NLRP1: variants seen among roughly 807,000 people sequenced by gnomAD.
The protein encoded by NLRP1 is NACHT, LRR and PYD domains-containing protein 1.
A neutral mutation model predicts 136.7 loss-of-function variants in NLRP1; 94 were observed. That is an observed-to-expected ratio of 0.69 (90% CI 0.58 to 0.82). The LOEUF (loss-of-function observed/expected upper bound fraction) is 0.82. Ranked by LOEUF, NLRP1 falls within the 40% of genes least tolerant of loss-of-function variation. The pLI is 0.00. For synonymous variants in NLRP1, 690 were observed against 725.1 expected (o/e 0.95, Z 0.78); for missense variants, 1,575 against 1,802.7 (o/e 0.87, Z 2.29).
At chr17:5,546,853 G>A (rs934703320) in intron 5 of NLRP1, among the ~76,000 whole-genome samples, 3 of 152,194 alleles carry the variant, frequency 2.0e-5, no homozygotes, top group African/African-American at 7.2e-5. Context: ...CGTGTGTAAG[G>A]CTGTACACTC....
chr17:5,535,543 C>T (rs1263085109), intron 8 of NLRP1, among the ~76,000 whole-genome samples: 1 of 152,200 alleles, frequency 6.6e-6, no homozygotes, highest in Non-Finnish European at 1.5e-5. Flanking sequence ...TGCACTCACA[C>T]TGACCCCAGG....
chr17:5,521,426 C>T lies in NLRP1; in HGVS notation c.3783+98G>A, dbSNP rs371579423. 1,960 of 1,301,804 alleles carry T rather than the reference C, an allele frequency of 1.5e-3. 42 individuals carry two copies. In the South Asian group the frequency reaches 0.025, roughly 17 times the overall value. The allele number at this position is 1,301,804 out of a possible 1,614,324, so 80.6% of individuals were successfully genotyped here. A position where few individuals can be genotyped will look rare whatever the true frequency, so the allele number is the denominator to read the frequency against. On this transcript the variant is annotated intron_variant, in intron 13 of 16. Transcript: ENST00000572272. ...GGTTCTCCTGTACAAGAGGCCCATC[C>T]TTGGTCCCAGTTGAAGACCCTCTAG...
At chr17:5,531,471 G>C (rs1173324884) in intron 11 of NLRP1, among the ~76,000 whole-genome samples, 1 of 152,046 alleles carries the variant, frequency 6.6e-6, no homozygotes, top group African/African-American at 2.4e-5. Flanking sequence ...CTCCTGCCTC[G>C]GTCTCTTAAA....
chr17:5,516,749 G>C (rs1235399785), intron 15 of NLRP1, among the ~76,000 whole-genome samples: 1 of 152,198 alleles, frequency 6.6e-6, no homozygotes, highest in Non-Finnish European at 1.5e-5. Context: ...TTTGAATCCA[G>C]GTCTGAAGCT....
chr17:5,539,043 ATAT>A (rs932266364), intron 7 of NLRP1, among the ~76,000 whole-genome samples: 5 of 151,992 alleles, frequency 3.3e-5, no homozygotes, highest in Admixed American at 3.3e-4. Flanking sequence ...GCTAGTTTTT[ATAT>A]TTTTAGTAGA....
At chr17:5,550,361 T>C (rs1045393352) in intron 5 of NLRP1, among the ~76,000 whole-genome samples, 1 of 152,238 alleles carries the variant, frequency 6.6e-6, no homozygotes, top group African/African-American at 2.4e-5. Flanking sequence ...AACTTACTAA[T>C]TCAATATCTC....
rs534663029 is a variant in NLRP1 at position 5,516,614 on chromosome 17, G to A, written c.4058-1097C>T. Reference sequence around the variant, plus strand: ...ACTGCATGAGGCATGTATAGACATCGCTTTGTTTAATCTTTCCAGCATTCC... The same window carrying A: ...ACTGCATGAGGCATGTATAGACATCACTTTGTTTAATCTTTCCAGCATTCC... On this transcript the variant is annotated intron_variant, in intron 15 of 16. Coordinates refer to ENST00000572272, the MANE Select transcript of NLRP1 (RefSeq NM_033004.4). Among the ~76,000 whole-genome samples, 11 of 152,310 alleles carry A rather than the reference G, an allele frequency of 7.2e-5. No individual in the cohort carries two copies. The East Asian group carries it at 1.2e-3, about 16-fold the overall frequency.
intron 5 of NLRP1, among the ~76,000 whole-genome samples, chr17:5,550,370 T>C (rs1443639939): frequency 6.6e-6 from 1 of 152,226 alleles, no homozygotes; most frequent in Non-Finnish European, 1.5e-5. Flanking sequence ...ATTCAATATC[T>C]CTATTTGTTA....
chr17:5,503,638 GC>G (rs1907195380), intron 15 of NLRP1: 1 of 152,028 alleles, frequency 6.6e-6, no homozygotes, highest in Non-Finnish European at 1.5e-5. Context: ...TGACTCCATG[GC>G]CTCATCCTGG....
chr17:5,532,793 C>G (rs770928228), intron 11 of NLRP1, 29 bp downstream of exon 11: 1 of 1,560,024 alleles, frequency 6.4e-7, no homozygotes, highest in South Asian at 1.2e-5. Flanking sequence ...GGGAGGCCAG[C>G]CTGGGACCAG....
Position 5,521,507 on chromosome 17 carries a change from C to G in NLRP1, c.3783+17G>C, listed in dbSNP as rs367563971. The G allele has an allele frequency of 5.8e-5, 93 of 1,607,628 alleles. 2 individuals are homozygous for G. The Admixed American group carries it at 1.5e-3, about 26-fold the overall frequency. ...GTCAACCCACCGTGGCCCAGCCTTTCTGGCTCTTAGTGTCACCTTCCGAAT... is the reference window on the plus strand; with the variant it reads ...GTCAACCCACCGTGGCCCAGCCTTTGTGGCTCTTAGTGTCACCTTCCGAAT... On this transcript the variant is annotated intron_variant, in intron 13 of 16. Coordinates refer to ENST00000572272, the MANE Select transcript of NLRP1 (RefSeq NM_033004.4).
At chr17:5,575,837 A>G (rs554423745) in intron 3 of NLRP1, among the ~76,000 whole-genome samples, 1 of 152,334 alleles carries the variant, frequency 6.6e-6, no homozygotes, top group East Asian at 1.9e-4. Context: ...CTCAGCACAC[A>G]TTGCGCTTAT....
chr17:5,578,337 G>T (rs1466643131), intron 3 of NLRP1, among the ~76,000 whole-genome samples: 2 of 151,916 alleles, frequency 1.3e-5, no homozygotes, highest in Non-Finnish European at 2.9e-5. Context: ...TACAGAATGG[G>T]ACAAAATTTT....
At position 5,559,679 on chromosome 17, in the gene NLRP1, C is replaced by A; in HGVS notation, c.1017G>T (p.Gly339=). 1 of 1,614,246 alleles carries A rather than the reference C, an allele frequency of 6.2e-7. No homozygotes were observed. Among genetic ancestry groups the A allele is most frequent in the Non-Finnish European group, 8.5e-7 (1 of 1,180,040 alleles). ...IVILQGAAGI[G]KSTLARQVKE... is the part of the protein sequence containing the mutation. The stretch of plus-strand genomic sequence containing the variant: ...TCACCTGCCTGGCCAGTGTTGACTT[C>A]CCAATTCCAGCAGCCCCCTGCAGTA... Residue 339 remains glycine (G), a synonymous_variant, in exon 4 of 17, where the codon GGG becomes GGT. Transcript: ENST00000572272.
intron 5 of NLRP1, among the ~76,000 whole-genome samples, chr17:5,545,537 C>CACACACACAG (rs539696034): frequency 1.7e-5 from 2 of 115,864 alleles, no homozygotes; most frequent in Non-Finnish European, 3.8e-5. Flanking sequence ...CAGACACAGA[C>CACACACACAG]ACACACACAG....
In NLRP1 at chr17:5,521,718, G is replaced by T. The variant is rs764029749; in HGVS notation, c.3589C>A (p.Pro1197Thr). Residue 1197 changes from proline (P) to threonine (T), a missense_variant, in exon 13 of 17, where the codon CCA (proline) becomes ACA (threonine). By Grantham distance (38) the Pro-to-Thr change is conservative. Transcript: ENST00000572272. The stretch of plus-strand genomic sequence containing the variant: ...ATGTGATGCAGCTCCACCCTGGCTG[G>T]CTTCTCCAGGAGCATCCCCTCCTCT... ...FKEEGMLLEK[P>T]ARVELHHIVL... 8 of 1,613,134 alleles carry T rather than the reference G, an allele frequency of 5.0e-6. No individual in the cohort carries two copies. Among genetic ancestry groups the T allele is most frequent in the Non-Finnish European group, 6.8e-6 (8 of 1,179,966 alleles).
chr17:5,558,871 T>C lies in NLRP1; in HGVS notation c.1825A>G (p.Ile609Val), dbSNP rs1597459148. 4.3e-6 allele frequency: 7 copies of C among 1,613,716 alleles called. No homozygotes were observed. Among genetic ancestry groups the C allele is most frequent in the Non-Finnish European group, 5.9e-6 (7 of 1,179,696 alleles). ...AIISTFLKMG[I>V]LQEHPIPLSY... ...AGAGGGATGGGGTGCTCTTGAAGAA[T>C]ACCCATCTTCAAGAAGGTGGAGATG... The change falls in exon 4 of 17, where the codon ATT becomes GTT. Residue 609 changes from isoleucine to valine, a missense_variant. Transcript: ENST00000572272.
chr17:5,533,663 C>T (rs1260089766), intron 9 of NLRP1, among the ~76,000 whole-genome samples: 1 of 148,300 alleles, frequency 6.7e-6, no homozygotes, highest in East Asian at 2.1e-4. Flanking sequence ...GGGTTTGATA[C>T]ATGCCATAGA....
rs2089988291 is a variant in NLRP1 at position 5,521,518 on chromosome 17, T to C, written c.3783+6A>G. 1 of 1,610,916 alleles carries C rather than the reference T, an allele frequency of 6.2e-7. No homozygotes were observed. The highest frequency in any genetic ancestry group is 1.1e-5 in the South Asian group (1 of 90,966). Reference sequence around the variant, plus strand: ...GTGGCCCAGCCTTTCTGGCTCTTAGTGTCACCTTCCGAATGGAGCAGTCAC... The same window carrying C: ...GTGGCCCAGCCTTTCTGGCTCTTAGCGTCACCTTCCGAATGGAGCAGTCAC... On this transcript the variant is annotated splice_donor_region_variant and intron_variant, in intron 13 of 16. Coordinates refer to ENST00000572272, the MANE Select transcript of NLRP1 (RefSeq NM_033004.4).
Sources: gnomAD v4.1 joint callset for allele counts (sites outside exome capture counted in the v4.1 genomes callset) on GRCh38, gnomAD v4.1.1 for gene constraint, MANE v1.5 for transcripts, NCBI Gene and HGNC (gene_info 2026-07-23, HGNC 2026-07-21) for gene names.